Variants in ZNF423 observed in about 807,000 individuals in gnomAD.
The protein encoded by ZNF423 is zinc finger protein 423.
A neutral mutation model predicts 95.8 loss-of-function variants in ZNF423; 12 were observed. The ratio of observed to expected loss-of-function variants is 0.13; its 90% CI spans 0.08 to 0.20. The LOEUF is 0.20. Ranked by LOEUF, ZNF423 falls within the 10% of genes least tolerant of loss-of-function variation. The pLI is 1.00. For synonymous variants in ZNF423, 749 were observed against 711.9 expected (o/e 1.05, Z -0.83); for missense variants, 1,316 against 1,737.1 (o/e 0.76, Z 4.31).
intron 2 of ZNF423, among the ~76,000 whole-genome samples, chr16:49,744,071 C>T (rs1447331156): frequency 1.3e-5 from 2 of 152,124 alleles, no homozygotes; most frequent in Admixed American, 1.3e-4. Flanking sequence ...CAGCTGGCTC[C>T]TCCAGGAGAC....
At chr16:49,730,675 T>A (rs2033141802) in intron 3 of ZNF423, 96 bp downstream of exon 3, 1 of 1,293,948 alleles carries the variant, frequency 7.7e-7, no homozygotes, top group South Asian at 1.2e-5. Context: ...AAAATTACAT[T>A]ATTAATTCTT....
chr16:49,693,167 C>T lies in ZNF423; in HGVS notation c.301+37604G>A, dbSNP rs1234268980. ...TGATTAACACATTTACTTCTCCCTC[C>T]GGCTTCCCCTTCCTACTTCCCTCCT... On this transcript the variant is annotated intron_variant, in intron 3 of 7. Transcript: ENST00000563137. 1.4e-4 allele frequency among the ~76,000 whole-genome samples: 22 copies of T among 152,216 alleles called. 1 individual carries two copies. The highest frequency in any genetic ancestry group is 3.2e-4 in the Non-Finnish European group (22 of 68,040).
chr16:49,532,965 T>C (rs573147580), intron 5 of ZNF423, among the ~76,000 whole-genome samples: 14 of 152,286 alleles, frequency 9.2e-5, no homozygotes, highest in African/African-American at 3.1e-4. Context: ...CTGGGTAGAA[T>C]GCCAATTCCA....
chr16:49,675,959 C>A (rs1024297267), intron 3 of ZNF423, among the ~76,000 whole-genome samples: 1 of 152,228 alleles, frequency 6.6e-6, no homozygotes, highest in Non-Finnish European at 1.5e-5. Flanking sequence ...CACACACGCA[C>A]CTGCATACAT....
At chr16:49,812,529 C>T (rs1264102936) in intron 1 of ZNF423, among the ~76,000 whole-genome samples, 2 of 152,078 alleles carry the variant, frequency 1.3e-5, no homozygotes, top group East Asian at 3.9e-4. Context: ...CACATCTCTA[C>T]AAAAAATACA....
At chr16:49,825,198 C>T (rs2034991889) in intron 1 of ZNF423, among the ~76,000 whole-genome samples, 1 of 152,136 alleles carries the variant, frequency 6.6e-6, no homozygotes, top group African/African-American at 2.4e-5. Flanking sequence ...GCTCCGACAT[C>T]CTGTGTGTCA....
intron 5 of ZNF423, among the ~76,000 whole-genome samples, chr16:49,586,610 G>A (rs1002778717): frequency 3.9e-4 from 60 of 152,316 alleles, no homozygotes; most frequent in African/African-American, 1.2e-3. Flanking sequence ...AGCGGCAGGC[G>A]CAGCCCACGC....
intron 1 of ZNF423, among the ~76,000 whole-genome samples, chr16:49,826,111 C>T (rs1242465992): frequency 2.0e-5 from 3 of 152,328 alleles, no homozygotes; most frequent in South Asian, 4.1e-4. Context: ...CCTCAAGAGG[C>T]TGAGGCCAGA....
intron 1 of ZNF423, chr16:49,854,411 C>G: frequency 2.0e-6 from 2 of 985,446 alleles, no homozygotes; most frequent in Non-Finnish European, 2.4e-6. Flanking sequence ...TCCAGCCATT[C>G]CAGCCAGGCG....
intron 7 of ZNF423, 44 bp downstream of exon 7, chr16:49,523,580 C>A (rs1197109712): frequency 6.5e-7 from 1 of 1,549,634 alleles, no homozygotes; most frequent in South Asian, 1.1e-5. Flanking sequence ...ACGGGGGAAC[C>A]GAGGACCATC....
At chr16:49,695,691 T>A (rs2031943434) in intron 3 of ZNF423, among the ~76,000 whole-genome samples, 1 of 152,232 alleles carries the variant, frequency 6.6e-6, no homozygotes, top group African/African-American at 2.4e-5. Context: ...CCTCCCAAAG[T>A]GCCAGGATTA....
chr16:49,699,998 C>T (rs1484872003), intron 3 of ZNF423, among the ~76,000 whole-genome samples: 1 of 152,068 alleles, frequency 6.6e-6, no homozygotes, highest in East Asian at 1.9e-4. Context: ...CCTCAGAAGA[C>T]AGGGGCGAGG....
chr16:49,851,700 C>G (rs889330049), intron 1 of ZNF423, among the ~76,000 whole-genome samples: 1 of 152,200 alleles, frequency 6.6e-6, no homozygotes, highest in African/African-American at 2.4e-5. Flanking sequence ...TGAATGCACG[C>G]TAGGCACCTC....
chr16:49,774,701 C>T (rs900734770), intron 2 of ZNF423, among the ~76,000 whole-genome samples: 2 of 152,084 alleles, frequency 1.3e-5, no homozygotes, highest in African/African-American at 4.8e-5. Context: ...CCAGGCCTAT[C>T]GGAATAAACC....
At chr16:49,684,495 T>C (rs2031487484) in intron 3 of ZNF423, among the ~76,000 whole-genome samples, 1 of 152,198 alleles carries the variant, frequency 6.6e-6, no homozygotes, top group Non-Finnish European at 1.5e-5. Context: ...GTGCCTGATG[T>C]TCCCATTTTA....
intron 1 of ZNF423, among the ~76,000 whole-genome samples, chr16:49,835,383 G>A (rs1044598369): frequency 4.6e-5 from 7 of 152,204 alleles, no homozygotes; most frequent in Non-Finnish European, 7.4e-5. Context: ...CCTCATCACC[G>A]GGAAGAAGGG....
At chr16:49,566,283 C>G (rs1008168443) in intron 5 of ZNF423, among the ~76,000 whole-genome samples, 8 of 152,230 alleles carry the variant, frequency 5.3e-5, no homozygotes, top group Non-Finnish European at 1.0e-4. Flanking sequence ...AGGCCCATGG[C>G]TCCTCCCAAC....
intron 3 of ZNF423, among the ~76,000 whole-genome samples, chr16:49,650,067 T>C (rs984529022): frequency 6.6e-5 from 10 of 152,234 alleles, no homozygotes; most frequent in African/African-American, 2.4e-4. Flanking sequence ...TCACTGGACA[T>C]CTCAAAGACA....
At chr16:49,762,370 T>C (rs7405268) in intron 2 of ZNF423, among the ~76,000 whole-genome samples, 107,882 of 152,050 alleles carry the variant, frequency 0.71, 39,174 homozygotes, top group African/African-American at 0.86. Context: ...TCTCTGGCTA[T>C]AGGAGCCCAT....
Sources: allele counts gnomAD v4.1 joint callset (sites outside exome capture counted in the v4.1 genomes callset), GRCh38; gene constraint gnomAD v4.1.1; transcripts MANE v1.5; gene names NCBI Gene and HGNC (gene_info 2026-07-23, HGNC 2026-07-21).